Variants in APBB2 observed in about 807,000 individuals in gnomAD.
The protein encoded by APBB2 is amyloid beta precursor protein binding family B member 2, also known as Fe65-like 1.
Under a neutral mutation model 82.5 loss-of-function variants are expected in APBB2, and 38 were observed. The observed-to-expected ratio is 0.46, with a 90% CI of 0.36 to 0.60. APBB2 has a LOEUF of 0.60. Among genes scored for constraint, APBB2 ranks in the 20% least tolerant of loss-of-function variants. The probability of loss-of-function intolerance (pLI) is 0.00; values close to 1 mark genes in which losing one functional copy is unlikely to be tolerated. For missense variants in APBB2, 772 were observed against 972.3 expected, an observed-to-expected ratio of 0.79 and a Z score of 2.74; for synonymous variants, 341 against 368.2, an observed-to-expected ratio of 0.93 and a Z score of 0.85.
intron 2 of APBB2, among the ~76,000 whole-genome samples, chr4:41,134,617 G>C (rs1757063954): frequency 6.6e-6 from 1 of 152,106 alleles, no homozygotes; most frequent in South Asian, 2.1e-4. Context: ...TGTAAGACTT[G>C]AACAAAAATC....
chr4:41,074,218 A>G (rs1734836248), intron 3 of APBB2, among the ~76,000 whole-genome samples: 1 of 152,126 alleles, frequency 6.6e-6, no homozygotes, highest in Non-Finnish European at 1.5e-5. Context: ...TAAAATTTCC[A>G]TCATCTTTCT....
chr4:40,910,362 C>T (rs1049685298), intron 10 of APBB2, among the ~76,000 whole-genome samples: 13 of 152,024 alleles, frequency 8.6e-5, no homozygotes, highest in South Asian at 4.2e-4. Context: ...CTCAGCCTCC[C>T]GAGTAGCTGG....
intron 7 of APBB2, among the ~76,000 whole-genome samples, chr4:40,936,734 T>G (rs1785462560): frequency 6.6e-6 from 1 of 152,226 alleles, no homozygotes; most frequent in African/African-American, 2.4e-5. Context: ...AAAAAATAAT[T>G]TCTCTTAATG....
chr4:41,186,309 A>T (rs765006787), intron 1 of APBB2, among the ~76,000 whole-genome samples: 23 of 152,248 alleles, frequency 1.5e-4, no homozygotes, highest in Non-Finnish European at 2.9e-4. Context: ...TTGCCAGCTC[A>T]AAAAGCTAGG....
At chr4:41,058,290 TAAA>T (rs1170745934) in intron 4 of APBB2, among the ~76,000 whole-genome samples, 4 of 141,020 alleles carry the variant, frequency 2.8e-5, no homozygotes, top group African/African-American at 1.0e-4. Flanking sequence ...AAGAGAGGTT[TAAA>T]AAAAAAAAAA....
chr4:41,123,265 G>C (rs1489532078), intron 2 of APBB2, among the ~76,000 whole-genome samples: 1 of 151,936 alleles, frequency 6.6e-6, no homozygotes, highest in Non-Finnish European at 1.5e-5. Flanking sequence ...GCAGACAGCC[G>C]GCACTCACTA....
intron 4 of APBB2, among the ~76,000 whole-genome samples, chr4:41,045,317 G>A (rs994495735): frequency 6.6e-6 from 1 of 151,836 alleles, no homozygotes; most frequent in Admixed American, 6.6e-5. Context: ...TTTTTGAGAT[G>A]GAGTCTCGCT....
At chr4:41,138,403 C>T (rs1758182939) in intron 2 of APBB2, among the ~76,000 whole-genome samples, 1 of 152,102 alleles carries the variant, frequency 6.6e-6, no homozygotes, top group African/African-American at 2.4e-5. Flanking sequence ...TTAAAATTTA[C>T]AGTATTTCAT....
chr4:41,161,394 C>G (rs75858681), intron 1 of APBB2, among the ~76,000 whole-genome samples: 6,197 of 152,086 alleles, frequency 0.041, 138 homozygotes, highest in Middle Eastern at 0.058. Flanking sequence ...ACTCCTTGAG[C>G]CCGGGAGTTC....
intron 2 of APBB2, among the ~76,000 whole-genome samples, chr4:41,122,724 ATATATCTTGTAATTTCAGTGAT>A (rs1172379884): frequency 6.6e-6 from 1 of 152,234 alleles, no homozygotes. Flanking sequence ...AAGGCAGAGG[ATATATCTTGTAATTTCAGTGAT>A]TTTTTTAAAA....
Position 41,047,410 on chromosome 4 carries a change from T to C in APBB2, c.-50-14106A>G, listed in dbSNP as rs191000695. Among the ~76,000 whole-genome samples, 81 of 152,384 alleles carry C rather than the reference T, an allele frequency of 5.3e-4. 1 individual carries two copies. The highest frequency in any genetic ancestry group is 1.8e-3 in the African/African-American group (73 of 41,596). Reference sequence around the variant, plus strand: ...ACAGAAAGGGTACTGCCCCCAAATATTGCCACTTGTGGCTTGCCTATGGGG... The same window carrying C: ...ACAGAAAGGGTACTGCCCCCAAATACTGCCACTTGTGGCTTGCCTATGGGG... On this transcript the variant is annotated intron_variant, in intron 4 of 17. Coordinates refer to ENST00000508593, the MANE Select transcript of APBB2 (RefSeq NM_004307.2).
At chr4:41,073,321 T>C (rs1734523851) in intron 3 of APBB2, among the ~76,000 whole-genome samples, 1 of 152,256 alleles carries the variant, frequency 6.6e-6, no homozygotes, top group Non-Finnish European at 1.5e-5. Flanking sequence ...CAACTTCCTA[T>C]CTAAGTTCTT....
intron 2 of APBB2, among the ~76,000 whole-genome samples, chr4:41,126,366 G>A (rs1222497251): frequency 6.6e-6 from 1 of 152,142 alleles, no homozygotes. Context: ...CTGGGCGACA[G>A]AGCAAGACCC....
At chr4:41,167,833 G>A (rs962918690) in intron 1 of APBB2, among the ~76,000 whole-genome samples, 1 of 152,206 alleles carries the variant, frequency 6.6e-6, no homozygotes, top group Non-Finnish European at 1.5e-5. Context: ...ACATCATTCT[G>A]GAAACTACTG....
intron 4 of APBB2, among the ~76,000 whole-genome samples, chr4:41,038,694 A>G (rs1720200432): frequency 6.6e-6 from 1 of 152,250 alleles, no homozygotes; most frequent in Non-Finnish European, 1.5e-5. Context: ...GCAATGCTAT[A>G]AAACCCAATA....
At position 40,818,995 on chromosome 4, in the gene APBB2, G is replaced by A. The variant is rs149899255; in HGVS notation, c.2113-2736C>T. 3.1e-3 allele frequency among the ~76,000 whole-genome samples: 468 copies of A among 151,418 alleles called. 4 individuals carry two copies. The highest frequency in any genetic ancestry group is 0.011 in the African/African-American group (447 of 41,256). On this transcript the variant is annotated intron_variant, in intron 17 of 17. Coordinates refer to ENST00000508593, the MANE Select transcript of APBB2 (RefSeq NM_004307.2). ...CTCCTGAGTAGCTGGGACTACAGGT[G>A]CAAACTTTCCCTTCATTCATAACCT...
chr4:40,831,412 A>C (rs6830777), intron 12 of APBB2, among the ~76,000 whole-genome samples: 7,892 of 102,108 alleles, frequency 0.077, 674 homozygotes, highest in African/African-American at 0.28. Flanking sequence ...GAAAAAAAAC[A>C]AAAAAAAAAC....
intron 10 of APBB2, among the ~76,000 whole-genome samples, chr4:40,924,172 G>C (rs1471321332): frequency 6.6e-6 from 1 of 152,186 alleles, no homozygotes; most frequent in African/African-American, 2.4e-5. Context: ...TTTTCCCCTT[G>C]TGAATGCCAA....
intron 1 of APBB2, among the ~76,000 whole-genome samples, chr4:41,171,623 G>A (rs1394073605): frequency 3.9e-5 from 6 of 152,214 alleles, no homozygotes; most frequent in Non-Finnish European, 5.9e-5. Context: ...GACCCAGAAT[G>A]AGCCTTATAA....
Sources: allele counts gnomAD v4.1 joint callset (sites outside exome capture counted in the v4.1 genomes callset), GRCh38; gene constraint gnomAD v4.1.1; transcripts MANE v1.5; gene names NCBI Gene and HGNC (gene_info 2026-07-23, HGNC 2026-07-21).